PRKDC: variants seen among roughly 807,000 people sequenced by gnomAD.
PRKDC encodes the protein DNA-dependent protein kinase catalytic subunit.
A neutral mutation model predicts 486.9 loss-of-function variants in PRKDC; 82 were observed. The ratio of observed to expected loss-of-function variants is 0.17; its 90% CI spans 0.14 to 0.20. The LOEUF (loss-of-function observed/expected upper bound fraction) is 0.20, where lower values mean the gene tolerates loss of function less well. PRKDC is among the 10% of genes least tolerant of loss of function. The pLI is 1.00. For missense variants in PRKDC, 4,504 were observed against 5,038.2 expected (o/e 0.89, Z 3.21); for synonymous variants, 1,895 against 1,837.0 (o/e 1.03, Z -0.81).
intron 78 of PRKDC, among the ~76,000 whole-genome samples, chr8:47,783,260 AGAAT>A (rs967084736): frequency 6.7e-6 from 1 of 148,788 alleles, no homozygotes; most frequent in Admixed American, 6.7e-5. Context: ...CCTGGCTGAC[AGAAT>A]GAGACTCTTG....
intron 33 of PRKDC, among the ~76,000 whole-genome samples, 154 bp from the exon 34 acceptor site, chr8:47,888,804 C>T (rs979602674): frequency 1.3e-5 from 2 of 152,182 alleles, no homozygotes; most frequent in African/African-American, 2.4e-5. Flanking sequence ...TCAAACATGG[C>T]GCTAACCATG....
At chr8:47,882,199 G>T (rs1241212550) in intron 36 of PRKDC, 102 bp from the exon 37 acceptor site, 7 of 1,109,648 alleles carry the variant, frequency 6.3e-6, no homozygotes, top group South Asian at 1.6e-5. Context: ...AAATAAATAA[G>T]CTATTTCTAT....
chr8:47,944,647 AC>A (rs1315742851), intron 7 of PRKDC, among the ~76,000 whole-genome samples: 1 of 152,220 alleles, frequency 6.6e-6, no homozygotes, highest in Non-Finnish European at 1.5e-5. Flanking sequence ...TCCTGGCCTG[AC>A]TGACATCACA....
At chr8:47,920,284 C>T (rs141203928) in intron 21 of PRKDC, among the ~76,000 whole-genome samples, 3 of 152,268 alleles carry the variant, frequency 2.0e-5, no homozygotes, top group African/African-American at 4.8e-5. Context: ...ACTCCATGAC[C>T]GAGCTGGTGT....
At chr8:47,799,167 A>C in intron 72 of PRKDC, 43 bp downstream of exon 72, 2 of 1,608,514 alleles carry the variant, frequency 1.2e-6, no homozygotes, top group South Asian at 1.1e-5. Flanking sequence ...ATAAGACTTT[A>C]TGCTGACATA....
In PRKDC at chr8:47,831,822, G is replaced by A; in HGVS notation, c.8257C>T (p.Arg2753Ter). 1 of 1,613,838 alleles carries A rather than the reference G, an allele frequency of 6.2e-7. No homozygotes were observed. The highest frequency in any genetic ancestry group is 8.5e-7 in the Non-Finnish European group (1 of 1,179,760). The change falls in exon 60 of 86, where the codon CGA becomes TGA. Residue 2753 changes from arginine (R) to a stop codon, truncating the protein, a stop_gained. Transcript: ENST00000314191. LOFTEE classifies it high-confidence loss of function. ...CTTGACAAGATACAAACCTTCTCTCGTTTTTGCTCAGCAACGCCTTTTCTG... is the reference window on the plus strand; with the variant it reads ...CTTGACAAGATACAAACCTTCTCTCATTTTTGCTCAGCAACGCCTTTTCTG... ...YARKGVAEQK[R>*]EKEIKSELKM... is the part of the protein sequence containing the mutation.
intron 10 of PRKDC, among the ~76,000 whole-genome samples, chr8:47,941,283 AC>A (rs1312559366): frequency 6.6e-6 from 1 of 151,836 alleles, no homozygotes; most frequent in Non-Finnish European, 1.5e-5. Context: ...CTCTCTCCTC[AC>A]TCCCTATTCT....
At chr8:47,859,556 C>T in intron 46 of PRKDC, 55 bp downstream of exon 46, 1 of 1,574,410 alleles carries the variant, frequency 6.4e-7, no homozygotes, top group South Asian at 1.2e-5. Flanking sequence ...ATAGCTGTGA[C>T]CCCCTTTCTT....
rs772717611 is a variant in PRKDC, at chr8:47,930,767, A to G, written c.1797T>C (p.Gly599=). ...GEQENGDEAP[G]VWMIPTSDPA... ...GATCTGAAGTTGGGATCATCCAAAC[A>G]CCAGGCGCCTCATCTCCATTCTTAA... Residue 599 remains glycine (G), a synonymous_variant, in exon 17 of 86, where the codon GGT becomes GGC. Transcript: ENST00000314191. 3.2e-6 allele frequency: 5 copies of G among 1,583,468 alleles called. No individual in the cohort carries two copies. Among genetic ancestry groups the G allele is most frequent in the Non-Finnish European group, 4.3e-6 (5 of 1,165,104 alleles).
At chr8:47,792,371 G>A (rs2086896536) in intron 74 of PRKDC, among the ~76,000 whole-genome samples, 2 of 150,440 alleles carry the variant, frequency 1.3e-5, no homozygotes, top group Non-Finnish European at 2.9e-5. Context: ...CCATTCTCCT[G>A]CCTCAGCCTC....
At chr8:47,845,637 A>G (rs906256151) in intron 54 of PRKDC, among the ~76,000 whole-genome samples, 12 of 151,800 alleles carry the variant, frequency 7.9e-5, no homozygotes, top group Non-Finnish European at 1.8e-4. Flanking sequence ...ACCTGAACAG[A>G]CCAATCAGGA....
chr8:47,788,574 A>G (rs1355777594), intron 76 of PRKDC, among the ~76,000 whole-genome samples: 1 of 152,208 alleles, frequency 6.6e-6, no homozygotes, highest in Admixed American at 6.5e-5. Context: ...CTTATTTAAC[A>G]CACAAATATT....
intron 1 of PRKDC, 60 bp downstream of exon 1, chr8:47,959,913 G>A (rs1004679395): frequency 7.9e-6 from 12 of 1,518,192 alleles, no homozygotes; most frequent in Non-Finnish European, 1.1e-5. Flanking sequence ...GGGCTGCCCG[G>A]CTCCAGAACG....
intron 73 of PRKDC, among the ~76,000 whole-genome samples, chr8:47,797,628 G>C (rs546590468): frequency 1.3e-5 from 2 of 152,280 alleles, no homozygotes; most frequent in South Asian, 4.1e-4. Flanking sequence ...CCTTTCAGAG[G>C]CCCTACACTT....
chr8:47,935,408 G>A (rs1298945795), intron 13 of PRKDC, among the ~76,000 whole-genome samples: 1 of 152,074 alleles, frequency 6.6e-6, no homozygotes, highest in African/African-American at 2.4e-5. Flanking sequence ...GCTGAGGCAA[G>A]AGAATCGCTT....
intron 62 of PRKDC, 149 bp downstream of exon 62, chr8:47,828,019 T>C: frequency 3.3e-6 from 2 of 610,848 alleles, no homozygotes; most frequent in South Asian, 4.9e-5. Flanking sequence ...CATCTACTCA[T>C]TTGGGAAGTG....
intron 24 of PRKDC, 22 bp downstream of exon 24, chr8:47,913,879 G>A: frequency 1.3e-6 from 2 of 1,577,452 alleles, no homozygotes; most frequent in Middle Eastern, 1.7e-4. Flanking sequence ...TAAATAATGG[G>A]TGAAATGAAA....
At chr8:47,847,855 G>T (rs1412897164) in intron 54 of PRKDC, among the ~76,000 whole-genome samples, 1 of 148,332 alleles carries the variant, frequency 6.7e-6, no homozygotes, top group Admixed American at 6.7e-5. Context: ...CTTCTCAAAA[G>T]ACATAAAAGC....
Position 47,958,834 on chromosome 8 carries a change from C to A in PRKDC, c.154+1139G>T, listed in dbSNP as rs901536872. ...CACTGCAATCTCCTTCTCCTGGGTT[C>A]AAGACATTCTCCTGTCTCAGCCTCC... is the stretch of plus-strand genomic sequence containing the variant. On this transcript the variant is annotated intron_variant, in intron 1 of 85. Transcript: ENST00000314191. 9.9e-5 allele frequency among the ~76,000 whole-genome samples: 15 copies of A among 150,846 alleles called. No individual in the cohort carries two copies. The East Asian group carries it at 1.2e-3, about 12-fold the overall frequency.
Sources: allele counts gnomAD v4.1 joint callset (sites outside exome capture counted in the v4.1 genomes callset), GRCh38; gene constraint gnomAD v4.1.1; transcripts MANE v1.5; gene names NCBI Gene and HGNC (gene_info 2026-07-23, HGNC 2026-07-21).